The following OR51B5 variants were observed in gnomAD, a reference collection of about 807,000 sequenced individuals.
OR51B5 encodes the protein olfactory receptor 51B5.
For missense variants in OR51B5, 456 were observed against 374.6 expected (o/e 1.22, Z -1.79); for synonymous variants, 186 against 144.8 (o/e 1.28, Z -2.04).
At chr11:5,411,774 G>A (rs1850152239) in intron 1 of OR51B5, among the ~76,000 whole-genome samples, 1 of 152,182 alleles carries the variant, frequency 6.6e-6, no homozygotes, top group African/African-American at 2.4e-5. Context: ...GAAGGGAAAT[G>A]TCCTAAGAGG....
intron 1 of OR51B5, among the ~76,000 whole-genome samples, chr11:5,379,292 C>T (rs905052322): frequency 1.3e-5 from 2 of 151,886 alleles, no homozygotes; most frequent in African/African-American, 4.8e-5. Context: ...AGGGGAACAT[C>T]ACACTCTGGG....
intron 1 of OR51B5, among the ~76,000 whole-genome samples, chr11:5,466,101 C>G (rs1042907378): frequency 2.6e-5 from 4 of 152,132 alleles, no homozygotes; most frequent in African/African-American, 9.7e-5. Flanking sequence ...TGAACTCAAA[C>G]AAATTTACAA....
At chr11:5,384,098 A>T (rs1489360472) in intron 1 of OR51B5, among the ~76,000 whole-genome samples, 1 of 152,228 alleles carries the variant, frequency 6.6e-6, no homozygotes, top group Non-Finnish European at 1.5e-5. Flanking sequence ...GAATGTCCTT[A>T]GCCAAATGGA....
chr11:5,409,796 A>G (rs182572123), intron 1 of OR51B5, among the ~76,000 whole-genome samples: 4 of 152,298 alleles, frequency 2.6e-5, no homozygotes, highest in Admixed American at 2.6e-4. Flanking sequence ...GCATCAATCC[A>G]TATATCCAAG....
intron 1 of OR51B5, among the ~76,000 whole-genome samples, chr11:5,371,347 A>C (rs1200451387): frequency 6.6e-6 from 1 of 152,180 alleles, no homozygotes; most frequent in Non-Finnish European, 1.5e-5. Context: ...TGTGGCTCAT[A>C]AACATTTAAT....
intron 1 of OR51B5, among the ~76,000 whole-genome samples, chr11:5,468,128 CATT>C (rs1252206012): frequency 6.6e-6 from 1 of 152,162 alleles, no homozygotes; most frequent in African/African-American, 2.4e-5. Flanking sequence ...ACATAATCTA[CATT>C]ATAACATTAT....
chr11:5,480,070 C>A (rs1851392007), intron 1 of OR51B5, among the ~76,000 whole-genome samples: 1 of 152,062 alleles, frequency 6.6e-6, no homozygotes, highest in Admixed American at 6.5e-5. Context: ...TTTTTTTCAG[C>A]ACCACACCTA....
chr11:5,417,530 T>C (rs1402067124), intron 1 of OR51B5, among the ~76,000 whole-genome samples: 1 of 150,138 alleles, frequency 6.7e-6, no homozygotes, highest in Non-Finnish European at 1.5e-5. Flanking sequence ...CCTACTCATC[T>C]GACAAAGGGC....
At chr11:5,488,634 C>A in intron 1 of OR51B5, 1 of 1,107,480 alleles carries the variant, frequency 9.0e-7, no homozygotes, top group South Asian at 1.5e-5. Context: ...TTACATAAAT[C>A]AACCAAATAT....
At chr11:5,467,435 G>C (rs779271770) in intron 1 of OR51B5, among the ~76,000 whole-genome samples, 1 of 152,128 alleles carries the variant, frequency 6.6e-6, no homozygotes, top group Non-Finnish European at 1.5e-5. Context: ...AAAATTATTA[G>C]CTATTGCTTT....
chr11:5,374,184 G>A lies in OR51B5; in HGVS notation n.85-27274C>T, dbSNP rs11037077. ...GCATTCGCGGATCACGAAAATCTGC[G>A]GTTCTGCAGACACCGCTGCTGATAC... On this transcript the variant is annotated intron_variant and non_coding_transcript_variant, in intron 1 of 4. Transcript: ENST00000415970. Among the ~76,000 whole-genome samples, 68 of 152,266 alleles carry A rather than the reference G, an allele frequency of 4.5e-4. 1 individual carries two copies. The East Asian group carries it at 8.9e-3, about 20-fold the overall frequency.
At chr11:5,350,939 C>G (rs1214393994) in intron 1 of OR51B5, among the ~76,000 whole-genome samples, 1 of 152,162 alleles carries the variant, frequency 6.6e-6, no homozygotes, top group African/African-American at 2.4e-5. Flanking sequence ...AAGTCAATCT[C>G]TGAAATTTAC....
chr11:5,416,848 C>A (rs1178160637), intron 1 of OR51B5, among the ~76,000 whole-genome samples: 3 of 151,980 alleles, frequency 2.0e-5, no homozygotes, highest in African/African-American at 4.8e-5. Flanking sequence ...AATGGCCATA[C>A]TGCCCAAGGT....
At chr11:5,443,530 C>T (rs189347978) in intron 1 of OR51B5, among the ~76,000 whole-genome samples, 77 of 150,716 alleles carry the variant, frequency 5.1e-4, no homozygotes, top group Admixed American at 4.4e-3. Context: ...TTTTCTTTAC[C>T]TTTGCTGCAA....
In OR51B5 at chr11:5,447,755, C is replaced by T. The variant is rs1240023634; in HGVS notation, n.84+57814G>A. On this transcript the variant is annotated intron_variant and non_coding_transcript_variant, in intron 1 of 4. Coordinates refer to the OR51B5 transcript ENST00000415970. ...TACTTCCTTTCTGTGGCTCTTTCCC[C>T]AGTGGCACTTCTTCACCCAAGTACT... Among the ~76,000 whole-genome samples the T allele has an allele frequency of 2.7e-5, 4 of 148,552 alleles. 1 individual carries two copies. The Admixed American group carries it at 2.7e-4, about 10-fold the overall frequency.
At chr11:5,475,834 C>A (rs903319886) in intron 1 of OR51B5, among the ~76,000 whole-genome samples, 1 of 152,198 alleles carries the variant, frequency 6.6e-6, no homozygotes, top group African/African-American at 2.4e-5. Flanking sequence ...CTTCCACAAG[C>A]TTTTGCAAAA....
chr11:5,474,504 T>TG (rs72517833), intron 1 of OR51B5, among the ~76,000 whole-genome samples: 4 of 14,218 alleles, frequency 2.8e-4, no homozygotes, highest in Non-Finnish European at 9.1e-4. Flanking sequence ...ATTAATAAAT[T>TG]GTTTTTGGAG....
chr11:5,396,713 C>A (rs1409498225), intron 1 of OR51B5, among the ~76,000 whole-genome samples: 1 of 151,720 alleles, frequency 6.6e-6, no homozygotes, highest in Non-Finnish European at 1.5e-5. Context: ...CTTTAAAGTT[C>A]ATATGGAACC....
At chr11:5,476,278 CAG>C (rs1449883958) in intron 1 of OR51B5, among the ~76,000 whole-genome samples, 1 of 152,138 alleles carries the variant, frequency 6.6e-6, no homozygotes, top group East Asian at 1.9e-4. Context: ...CATTATGAAA[CAG>C]ATTCATATTT....
Sources: gnomAD v4.1 joint callset for allele counts (sites outside exome capture counted in the v4.1 genomes callset) on GRCh38, gnomAD v4.1.1 for gene constraint, MANE v1.5 for transcripts, NCBI Gene and HGNC (gene_info 2026-07-23, HGNC 2026-07-21) for gene names.